CAST: variants seen among roughly 807,000 people sequenced by gnomAD.
CAST encodes the protein MIR583 host.
A neutral mutation model predicts 119.6 loss-of-function variants in CAST; 76 were observed. The observed-to-expected ratio is 0.64, with a 90% CI of 0.53 to 0.77. The LOEUF (loss-of-function observed/expected upper bound fraction) is 0.77. Among genes scored for constraint, CAST ranks in the 30% least tolerant of loss-of-function variants. The probability of loss-of-function intolerance (pLI) is 0.00; values close to 1 mark genes in which losing one functional copy is unlikely to be tolerated. For synonymous variants in CAST, 319 were observed against 331.6 expected, an observed-to-expected ratio of 0.96 and a Z score of 0.41; for missense variants, 953 against 946.5, an observed-to-expected ratio of 1.01 and a Z score of -0.09.
At position 96,662,458 on chromosome 5, in the gene CAST, G is replaced by A. The variant is rs1346627311; in HGVS notation, c.36G>A (p.Pro12=). ...SQPGQKPAAS[P]RPRRAAAARR... ...CCGGCCAGAAGCCCGCCGCCTCCCC[G>A]CGGCCCCGGCGAGCAGCCGCCGCCC... The change falls in exon 1 of 32, where the codon CCG becomes CCA. Residue 12 remains proline, a synonymous_variant. Transcript: ENST00000675179. 2.1e-6 allele frequency: 3 copies of A among 1,435,416 alleles called. No individual in the cohort carries two copies. Among genetic ancestry groups the A allele is most frequent in the South Asian group, 2.8e-5 (2 of 70,940 alleles). 88.9% of individuals were successfully genotyped at this position (1,435,416 alleles called of 1,614,324 possible). A position where few individuals can be genotyped will look rare whatever the true frequency, so the allele number is the denominator to read the frequency against.
chr5:96,482,622 T>C, the CAST span, among the ~76,000 whole-genome samples: 1 of 152,112 alleles, frequency 6.6e-6, no homozygotes, highest in Admixed American at 6.6e-5. Context: ...CTCCTCTTTA[T>C]TGATGATAAC....
At chr5:96,757,693 T>A (rs917538713) in intron 24 of CAST, 39 bp downstream of exon 24, 2 of 1,418,900 alleles carry the variant, frequency 1.4e-6, no homozygotes, top group Admixed American at 2.0e-5. Context: ...TTTAGTTTTT[T>A]TTTTTTTTTT....
chr5:96,023,384 A>G, the CAST span, among the ~76,000 whole-genome samples: 1 of 152,198 alleles, frequency 6.6e-6, no homozygotes, highest in Admixed American at 6.5e-5. Context: ...CAACCTAAAT[A>G]AAGTTTGAGT....
chr5:96,270,692 A>T, the CAST span, among the ~76,000 whole-genome samples: 1 of 151,958 alleles, frequency 6.6e-6, no homozygotes, highest in Non-Finnish European at 1.5e-5. Flanking sequence ...AGCAACACAC[A>T]CTGGGGCCTA....
At chr5:96,196,927 C>T in the CAST span, among the ~76,000 whole-genome samples, 1 of 152,112 alleles carries the variant, frequency 6.6e-6, no homozygotes, top group Admixed American at 6.6e-5. Context: ...ATGATGACTG[C>T]TTATTAGAGT....
At chr5:96,660,302 A>C (rs1748248451), upstream of CAST, among the ~76,000 whole-genome samples, 1 of 152,166 alleles carries the variant, frequency 6.6e-6, no homozygotes, top group African/African-American at 2.4e-5. Context: ...CCAAACTCCC[A>C]AAACACCTTT....
chr5:96,714,233 C>A (rs1361890391), intron 3 of CAST, among the ~76,000 whole-genome samples: 1 of 152,128 alleles, frequency 6.6e-6, no homozygotes, highest in Non-Finnish European at 1.5e-5. Flanking sequence ...GATTAAGCAG[C>A]CTGCCTGTAG....
intron 1 of CAST, among the ~76,000 whole-genome samples, chr5:96,667,743 GT>G (rs10708798): frequency 1 from 152,342 of 152,372 alleles, 76,156 homozygotes; most frequent in Middle Eastern, 1. Context: ...GCTGGGTGCG[GT>G]TGGCTCACGC....
intron 2 of CAST, among the ~76,000 whole-genome samples, chr5:96,687,625 C>T (rs1752232810): frequency 6.6e-6 from 1 of 152,164 alleles, no homozygotes. Flanking sequence ...TCAAGCCTCT[C>T]ATTCCTAAAT....
the CAST span, among the ~76,000 whole-genome samples, chr5:96,297,248 C>T: frequency 6.6e-6 from 1 of 152,130 alleles, no homozygotes. Context: ...TTGTCCTTTC[C>T]AGGAGAATGT....
chr5:96,295,157 T>C, the CAST span, among the ~76,000 whole-genome samples: 16 of 152,248 alleles, frequency 1.1e-4, no homozygotes, highest in African/African-American at 3.6e-4. Context: ...ACTTTGTTTT[T>C]TTCATGAAGA....
the CAST span, among the ~76,000 whole-genome samples, chr5:96,273,269 T>C: frequency 6.6e-6 from 1 of 152,248 alleles, no homozygotes; most frequent in Non-Finnish European, 1.5e-5. Flanking sequence ...AGTGCCATCA[T>C]GGAACTTCAG....
the CAST span, among the ~76,000 whole-genome samples, chr5:96,411,192 C>T: frequency 1.3e-5 from 2 of 152,236 alleles, no homozygotes; most frequent in African/African-American, 4.8e-5. Context: ...CCCTGCCAGT[C>T]TCTGGGCCCT....
chr5:96,624,655 C>T (rs1322189716), intron 1 of CAST, among the ~76,000 whole-genome samples: 1 of 152,166 alleles, frequency 6.6e-6, no homozygotes, highest in Non-Finnish European at 1.5e-5. Context: ...GGCTTCTTAG[C>T]ATTGCACCCA....
rs58166297 is a variant in CAST, at chr5:96,585,953, G to T, written c.60+56073G>T. On this transcript the variant is annotated intron_variant, in intron 1 of 11. Coordinates refer to the CAST transcript ENST00000505143. ...TTAACAAAACAGTTTTAAAACGATT[G>T]TAATATCTTTCCAATAATGAAATGT... 5.0e-3 allele frequency among the ~76,000 whole-genome samples: 762 copies of T among 152,276 alleles called. 7 individuals are homozygous for T. Among genetic ancestry groups the T allele is most frequent in the African/African-American group, 0.018 (735 of 41,554 alleles).
At chr5:96,127,916 G>A in the CAST span, among the ~76,000 whole-genome samples, 1 of 152,084 alleles carries the variant, frequency 6.6e-6, no homozygotes, top group Admixed American at 6.6e-5. Context: ...CTATATGGAT[G>A]TAGGCATTTA....
At chr5:96,658,243 A>T (rs1302431452), upstream of CAST, among the ~76,000 whole-genome samples, 1 of 152,154 alleles carries the variant, frequency 6.6e-6, no homozygotes, top group East Asian at 1.9e-4. Context: ...CATCATCCCA[A>T]ATTTGGTTTC....
chr5:96,768,885 T>C (rs1771056697), intron 29 of CAST: 1 of 155,922 alleles, frequency 6.4e-6, no homozygotes, highest in Non-Finnish European at 1.4e-5. Flanking sequence ...TTGCTCTCTG[T>C]TACCTCTCTG....
At chr5:96,631,787 C>A (rs934741096) in intron 1 of CAST, among the ~76,000 whole-genome samples, 2 of 152,150 alleles carry the variant, frequency 1.3e-5, no homozygotes, top group Non-Finnish European at 2.9e-5. Context: ...CCGCCTCGGC[C>A]TCCCAAAGTG....
Sources: allele counts gnomAD v4.1 joint callset (sites outside exome capture counted in the v4.1 genomes callset), GRCh38; gene constraint gnomAD v4.1.1; transcripts MANE v1.5; gene names NCBI Gene and HGNC (gene_info 2026-07-23, HGNC 2026-07-21).